ZSCAN5A: variants seen among roughly 807,000 people sequenced by gnomAD.
ZSCAN5A encodes the protein zinc finger and SCAN domain containing 5A.
Under a neutral mutation model 23.7 loss-of-function variants are expected in ZSCAN5A, and 12 were observed. That is an observed-to-expected ratio of 0.51 (90% CI 0.32 to 0.82). The LOEUF (loss-of-function observed/expected upper bound fraction) is 0.82. ZSCAN5A is among the 40% of genes least tolerant of loss of function. The pLI, the probability that ZSCAN5A is intolerant of heterozygous loss-of-function variation, is 0.03. For synonymous variants in ZSCAN5A, 257 were observed against 239.9 expected, an observed-to-expected ratio of 1.07 and a Z score of -0.66; for missense variants, 597 against 617.9, an observed-to-expected ratio of 0.97 and a Z score of 0.36.
chr19:56,346,028 G>A (rs1285534153), intron 2 of ZSCAN5A, among the ~76,000 whole-genome samples: 3 of 151,874 alleles, frequency 2.0e-5, no homozygotes, highest in Non-Finnish European at 2.9e-5. Context: ...AGGAACCTCA[G>A]ACTATGATAA....
intron 2 of ZSCAN5A, chr19:56,342,845 C>A (rs996527169): frequency 2.0e-5 from 18 of 892,048 alleles, no homozygotes; most frequent in Non-Finnish European, 3.2e-5. Context: ...CTCAAAAGCA[C>A]CCCCTGGAAT....
chr19:56,352,535 G>GA lies in ZSCAN5A; in HGVS notation c.-358+10699dup, dbSNP rs1478352731. On this transcript the variant is annotated intron_variant, in intron 2 of 6. Coordinates refer to the ZSCAN5A transcript ENST00000587340. The surrounding 1 kb of genome is among the most constrained non-coding windows in gnomAD (Gnocchi z 4.2). ...ATATTCTGACACTTGGGTAAATGGT[G>GA]AGGAAGAATATTCAAGACAATTGCA... Among the ~76,000 whole-genome samples, 2 of 152,218 alleles carry GA rather than the reference G, an allele frequency of 1.3e-5. No individual in the cohort carries two copies. The highest frequency in any genetic ancestry group is 2.4e-5 in the African/African-American group (1 of 41,466).
chr19:56,262,756 G>GATA (rs2037217167), intron 2 of ZSCAN5A, among the ~76,000 whole-genome samples: 1 of 152,086 alleles, frequency 6.6e-6, no homozygotes, highest in Non-Finnish European at 1.5e-5. Flanking sequence ...ACATTATATT[G>GATA]ATAAAAGTCA....
chr19:56,225,591 T>G (rs1372424614), intron 2 of ZSCAN5A, among the ~76,000 whole-genome samples: 1 of 152,184 alleles, frequency 6.6e-6, no homozygotes, highest in African/African-American at 2.4e-5. Context: ...CCCCAACACA[T>G]ATTCTTGTTA....
At position 56,346,059 on chromosome 19, in the gene ZSCAN5A, C is replaced by G. The variant is rs146279730; in HGVS notation, c.-358+17176G>C. 6.6e-3 allele frequency among the ~76,000 whole-genome samples: 994 copies of G among 151,086 alleles called. 14 individuals carry two copies. Among genetic ancestry groups the G allele is most frequent in the African/African-American group, 0.023 (944 of 41,044 alleles). ...GATAAACTATGTCACGTTCCTCATGCAGCAGAGGGTGCAAGAGAAAGGAGA... is the reference window on the plus strand; with the variant it reads ...GATAAACTATGTCACGTTCCTCATGGAGCAGAGGGTGCAAGAGAAAGGAGA... On this transcript the variant is annotated intron_variant, in intron 2 of 6. Transcript: ENST00000587340.
chr19:56,343,675 G>A (rs894684020), intron 2 of ZSCAN5A, among the ~76,000 whole-genome samples: 4 of 152,158 alleles, frequency 2.6e-5, no homozygotes, highest in Admixed American at 6.5e-5. Context: ...GTTTGCCTCC[G>A]GCACTCACTG....
intron 2 of ZSCAN5A, among the ~76,000 whole-genome samples, chr19:56,326,305 T>TTGTGTGTGTGTGAG (rs2041433477): frequency 6.9e-6 from 1 of 145,536 alleles, no homozygotes; most frequent in Non-Finnish European, 1.5e-5. Context: ...ACAGTTACCA[T>TTGTGTGTGTGTGAG]TGTGTGTGTG....
At chr19:56,265,255 A>G (rs1187710277) in intron 2 of ZSCAN5A, among the ~76,000 whole-genome samples, 2 of 151,632 alleles carry the variant, frequency 1.3e-5, no homozygotes, top group African/African-American at 4.9e-5. Flanking sequence ...ATCCTAGCAC[A>G]GGGCACTCCC....
At position 56,320,830 on chromosome 19, in the gene ZSCAN5A, C is replaced by A. The variant is rs1198587586; in HGVS notation, c.-357-4562G>T. 1.0e-5 allele frequency: 8 copies of A among 780,204 alleles called. No individual in the cohort carries two copies. In the East Asian group the frequency reaches 1.5e-4, roughly 14 times the overall value. 48.3% of individuals were successfully genotyped at this position (780,204 alleles called of 1,614,324 possible). ...TATCACCATAGGTGGCAGCAAGATG[C>A]TGTGCCCCCTCGCTTTCAAGTCCAT... On this transcript the variant is annotated intron_variant, in intron 2 of 6. Transcript: ENST00000587340.
At chr19:56,304,964 C>G (rs1300534746) in intron 2 of ZSCAN5A, 2 of 199,658 alleles carry the variant, frequency 1.0e-5, no homozygotes, top group Non-Finnish European at 1.8e-5. Context: ...CCCAGAATTC[C>G]ATGAGAAGTC....
At chr19:56,362,870 CAAAA>C (rs569648990) in intron 2 of ZSCAN5A, among the ~76,000 whole-genome samples, 1 of 79,690 alleles carries the variant, frequency 1.3e-5, no homozygotes, top group African/African-American at 4.8e-5. Flanking sequence ...GACTCTGCCT[CAAAA>C]AAAAAAAAAA....
chr19:56,357,628 T>G (rs1600302315), intron 2 of ZSCAN5A, among the ~76,000 whole-genome samples: 1 of 146,952 alleles, frequency 6.8e-6, no homozygotes, highest in Non-Finnish European at 1.5e-5. Flanking sequence ...ATAAAAAAAT[T>G]TGACAAGTGC....
intron 2 of ZSCAN5A, among the ~76,000 whole-genome samples, chr19:56,248,644 G>C (rs971957897): frequency 1.3e-5 from 2 of 152,120 alleles, no homozygotes; most frequent in Middle Eastern, 3.4e-3. Context: ...TGTTGCCAAG[G>C]CTGGTCTCAA....
At chr19:56,340,811 G>A (rs964064352) in intron 2 of ZSCAN5A, 1 of 152,206 alleles carries the variant, frequency 6.6e-6, no homozygotes, top group Non-Finnish European at 1.5e-5. Flanking sequence ...GAAAGACTTT[G>A]TGCTTGAGAG....
chr19:56,292,557 G>C (rs1215674501), intron 2 of ZSCAN5A, among the ~76,000 whole-genome samples: 1 of 151,278 alleles, frequency 6.6e-6, no homozygotes, highest in Non-Finnish European at 1.5e-5. Context: ...CAAAGCACTG[G>C]GATCACAGGC....
rs139693650 is a variant in ZSCAN5A, at chr19:56,256,120, A to T, written c.-127-30947T>A. Among the ~76,000 whole-genome samples the T allele has an allele frequency of 2.9e-4, 44 of 152,364 alleles. 1 individual carries two copies. Among genetic ancestry groups the T allele is most frequent in the African/African-American group, 9.4e-4 (39 of 41,590 alleles). Reference sequence around the variant, plus strand: ...CAGTCAGGAGGAAATGCTTTAAAATACAGAAAAAAGGATAATGGAGAATAT... The same window carrying T: ...CAGTCAGGAGGAAATGCTTTAAAATTCAGAAAAAAGGATAATGGAGAATAT... On this transcript the variant is annotated intron_variant, in intron 2 of 5. Transcript: ENST00000683990.
intron 2 of ZSCAN5A, among the ~76,000 whole-genome samples, chr19:56,339,036 A>G (rs2041567321): frequency 1.3e-5 from 2 of 152,262 alleles, no homozygotes; most frequent in African/African-American, 4.8e-5. Flanking sequence ...CTTAGGAACA[A>G]TGTGACCTGG....
At chr19:56,343,142 T>C (rs1315324709) in intron 2 of ZSCAN5A, 2 of 729,874 alleles carry the variant, frequency 2.7e-6, no homozygotes, top group Non-Finnish European at 5.0e-6. Flanking sequence ...ATGCCTAAAA[T>C]GGTCCTTTAT....
At chr19:56,333,346 A>T (rs2041506393) in intron 2 of ZSCAN5A, among the ~76,000 whole-genome samples, 2 of 148,546 alleles carry the variant, frequency 1.3e-5, no homozygotes, top group African/African-American at 5.0e-5. Context: ...CAAAGACTTT[A>T]TTTTTTTTTT....
Sources: gnomAD v4.1 joint callset for allele counts (sites outside exome capture counted in the v4.1 genomes callset) on GRCh38, gnomAD v4.1.1 for gene constraint, Gnocchi (gnomAD v3.1) non-coding constraint, MANE v1.5 for transcripts, NCBI Gene and HGNC (gene_info 2026-07-23, HGNC 2026-07-21) for gene names.